RARB: variants seen among roughly 807,000 people sequenced by gnomAD.
RARB encodes retinoic acid receptor beta, also known as HBV-activated protein.
Under a neutral mutation model 51.9 loss-of-function variants are expected in RARB, and 17 were observed. The observed-to-expected ratio is 0.33, with a 90% CI of 0.22 to 0.49. The LOEUF (loss-of-function observed/expected upper bound fraction) is 0.49. Among genes scored for constraint, RARB ranks in the 20% least tolerant of loss-of-function variants. The probability of loss-of-function intolerance (pLI) is 0.99; values close to 1 mark genes in which losing one functional copy is unlikely to be tolerated. For missense variants in RARB, 369 were observed against 550.8 expected (o/e 0.67, Z 3.30); for synonymous variants, 215 against 195.4 (o/e 1.10, Z -0.84).
chr3:24,915,348 A>G (rs1159643806), intron 2 of RARB, among the ~76,000 whole-genome samples: 1 of 152,212 alleles, frequency 6.6e-6, no homozygotes, highest in Non-Finnish European at 1.5e-5. Context: ...TTTAACACAA[A>G]TCATATTAAA....
At chr3:24,886,124 T>C (rs893015638) in intron 2 of RARB, among the ~76,000 whole-genome samples, 37 of 152,184 alleles carry the variant, frequency 2.4e-4, no homozygotes, top group African/African-American at 8.9e-4. Context: ...GAATATTCCC[T>C]GCTAACCATA....
At chr3:24,872,616 C>T (rs1702968518) in intron 2 of RARB, among the ~76,000 whole-genome samples, 1 of 152,138 alleles carries the variant, frequency 6.6e-6, no homozygotes, top group East Asian at 1.9e-4. Context: ...GAGGGGGTGC[C>T]AGCCTCCATT....
intron 2 of RARB, among the ~76,000 whole-genome samples, chr3:24,882,048 A>T (rs1478232753): frequency 6.6e-6 from 1 of 152,232 alleles, no homozygotes; most frequent in East Asian, 1.9e-4. Flanking sequence ...TATTGAAAAA[A>T]TGAAAGTCTA....
At chr3:24,830,094 G>T (rs1702259780) in intron 1 of RARB, among the ~76,000 whole-genome samples, 1 of 152,160 alleles carries the variant, frequency 6.6e-6, no homozygotes, top group Non-Finnish European at 1.5e-5. Flanking sequence ...CAGGGACGCG[G>T]CCAGGGACCG....
rs775534346 is a variant in RARB, at chr3:24,935,119, C to T, written c.-380+76367C>T. Among the ~76,000 whole-genome samples the T allele has an allele frequency of 3.3e-5, 5 of 152,088 alleles. No individual in the cohort carries two copies. In the East Asian group the frequency reaches 5.8e-4, roughly 18 times the overall value. ...TTTATTAATGTTTTGTCATTTTCTT[C>T]ATAAAGCTCAGTAATGTGCTGTAGC... On this transcript the variant is annotated intron_variant, in intron 2 of 11. Coordinates refer to the RARB transcript ENST00000383772.
chr3:24,855,269 C>A lies in RARB; in HGVS notation c.-458-3405C>A, dbSNP rs181489028. Among the ~76,000 whole-genome samples the A allele has an allele frequency of 2.8e-3, 433 of 152,120 alleles. 4 individuals carry two copies. Among genetic ancestry groups the A allele is most frequent in the African/African-American group, 9.9e-3 (409 of 41,492 alleles). On this transcript the variant is annotated intron_variant, in intron 1 of 11. Coordinates refer to the RARB transcript ENST00000383772. Reference sequence around the variant, plus strand: ...AGTAAGTCAGATAAGAGGAAGAATACTTTGGACATAGAAAAGGAAAAACAG... The same window carrying A: ...AGTAAGTCAGATAAGAGGAAGAATAATTTGGACATAGAAAAGGAAAAACAG...
chr3:25,585,497 G>C (rs189860606), intron 5 of RARB, among the ~76,000 whole-genome samples: 1 of 152,368 alleles, frequency 6.6e-6, no homozygotes, highest in East Asian at 1.9e-4. Flanking sequence ...TTCATTAAGT[G>C]CTGTATTTTT....
chr3:25,305,679 T>C (rs1025845018), intron 5 of RARB, among the ~76,000 whole-genome samples: 1 of 152,130 alleles, frequency 6.6e-6, no homozygotes, highest in Non-Finnish European at 1.5e-5. Context: ...AGCCATGGTG[T>C]CCACGACACT....
intron 5 of RARB, among the ~76,000 whole-genome samples, chr3:25,321,463 A>G (rs965805933): frequency 1.3e-5 from 2 of 152,078 alleles, no homozygotes; most frequent in African/African-American, 4.8e-5. Context: ...CACATCTGTA[A>G]TCCCAGCACT....
At chr3:25,474,878 G>A (rs1695874911) in intron 2 of RARB, among the ~76,000 whole-genome samples, 1 of 152,122 alleles carries the variant, frequency 6.6e-6, no homozygotes, top group Non-Finnish European at 1.5e-5. Context: ...TTAAATGCAT[G>A]TTTGGTGCTA....
In RARB at chr3:25,569,861, C is replaced by A; in HGVS notation, c.552C>A (p.Ile184=). The A allele has an allele frequency of 6.2e-7, 1 of 1,614,168 alleles. No individual in the cohort carries two copies. The highest frequency in any genetic ancestry group is 8.5e-7 in the Non-Finnish European group (1 of 1,180,022). Residue 184 remains isoleucine (I), a synonymous_variant, in exon 4 of 8, where the codon ATC becomes ATA. Transcript: ENST00000330688. ...TAELDDLTEK[I]RKAHQETFPS... ...AGTTGGACGATCTCACAGAGAAGAT[C>A]CGAAAAGCTCACCAGGAAACTTTCC...
At chr3:25,172,346 G>T (rs549667922) in intron 4 of RARB, among the ~76,000 whole-genome samples, 1 of 152,056 alleles carries the variant, frequency 6.6e-6, no homozygotes. Flanking sequence ...CTTAGCGAGG[G>T]CTTACTCTGT....
chr3:25,039,263 C>CT (rs1352775363), intron 2 of RARB, among the ~76,000 whole-genome samples: 1 of 152,146 alleles, frequency 6.6e-6, no homozygotes, highest in Admixed American at 6.5e-5. Flanking sequence ...TTGAGTCCTG[C>CT]TGTAGTAGCA....
intron 2 of RARB, among the ~76,000 whole-genome samples, chr3:24,911,512 G>A (rs903973842): frequency 6.6e-6 from 1 of 152,134 alleles, no homozygotes; most frequent in Non-Finnish European, 1.5e-5. Context: ...AAGCATAAAT[G>A]TTACCTAATG....
At chr3:25,207,600 A>C (rs1394015973) in intron 5 of RARB, among the ~76,000 whole-genome samples, 2 of 152,154 alleles carry the variant, frequency 1.3e-5, no homozygotes, top group East Asian at 1.9e-4. Flanking sequence ...TTCTATACTA[A>C]ATGTTTTATT....
chr3:24,829,339 C>T (rs1702248290), exon 1 of RARB, among the ~76,000 whole-genome samples: 1 of 151,912 alleles, frequency 6.6e-6, no homozygotes, highest in Non-Finnish European at 1.5e-5. Flanking sequence ...TCAGCGGCGG[C>T]GGCAGGGGCT....
chr3:24,843,277 G>A (rs1335377849), intron 1 of RARB, among the ~76,000 whole-genome samples: 1 of 152,120 alleles, frequency 6.6e-6, no homozygotes, highest in Non-Finnish European at 1.5e-5. Context: ...TTCCAGACAG[G>A]AACCAACTTA....
At chr3:25,248,712 G>T (rs1314429069) in intron 5 of RARB, among the ~76,000 whole-genome samples, 1 of 152,070 alleles carries the variant, frequency 6.6e-6, no homozygotes, top group Non-Finnish European at 1.5e-5. Context: ...AATTTTGCTG[G>T]ATCCTTGGCT....
intron 2 of RARB, among the ~76,000 whole-genome samples, chr3:24,973,061 T>A (rs1559417266): frequency 6.6e-6 from 1 of 152,088 alleles, no homozygotes; most frequent in South Asian, 2.1e-4. Flanking sequence ...CAGACCAACG[T>A]CCTGAAGCAT....
Sources: allele counts gnomAD v4.1 joint callset (sites outside exome capture counted in the v4.1 genomes callset), GRCh38; gene constraint gnomAD v4.1.1; transcripts MANE v1.5; gene names NCBI Gene and HGNC (gene_info 2026-07-23, HGNC 2026-07-21).